Variants in UTP6 observed in about 807,000 individuals in gnomAD.
The protein encoded by UTP6 is UTP6 small subunit processome component.
In UTP6, 60 loss-of-function variants were observed where a neutral mutation model predicts 96.5. That is an observed-to-expected ratio of 0.62 (90% confidence interval 0.51 to 0.77). The LOEUF is 0.77. Among genes scored for constraint, UTP6 ranks in the 30% least tolerant of loss-of-function variants. The pLI, the probability that UTP6 is intolerant of heterozygous loss-of-function variation, is 0.00. For synonymous variants in UTP6, 215 were observed against 240.1 expected (o/e 0.90, Z 0.96); for missense variants, 637 against 706.5 (o/e 0.90, Z 1.12).
intron 18 of UTP6, 118 bp from the exon 19 acceptor site, chr17:31,863,634 G>A: frequency 2.2e-6 from 2 of 926,274 alleles, no homozygotes; most frequent in Non-Finnish European, 3.2e-6. Context: ...TACTTCCCTA[G>A]GACGCTTTGT....
intron 6 of UTP6, among the ~76,000 whole-genome samples, chr17:31,891,573 T>TTCACAAGA (rs1911495627): frequency 6.6e-6 from 1 of 152,208 alleles, no homozygotes; most frequent in African/African-American, 2.4e-5. Flanking sequence ...GAGAAATATT[T>TTCACAAGA]CTCTTACAAA....
chr17:31,863,145 A>C lies in UTP6; in HGVS notation c.*214T>G. 1 of 530,108 alleles carries C rather than the reference A, an allele frequency of 1.9e-6. No individual in the cohort carries two copies. Among genetic ancestry groups the C allele is most frequent in the South Asian group, 2.4e-5 (1 of 42,434 alleles). The allele number at this position is 530,108 out of a possible 1,614,324, so 32.8% of individuals were successfully genotyped here. A position where few individuals can be genotyped will look rare whatever the true frequency, so the allele number is the denominator to read the frequency against. On this transcript the variant is annotated 3_prime_UTR_variant, in exon 19 of 19. Coordinates refer to ENST00000261708, the MANE Select transcript of UTP6 (RefSeq NM_018428.3). ...CACTTGAGTCCAGGAGTTCAAGACC[A>C]GCCAGGGCAACAGAGCAAGACCCAG...
chr17:31,897,790 T>C (rs1401560072), intron 2 of UTP6, among the ~76,000 whole-genome samples: 2 of 152,168 alleles, frequency 1.3e-5, no homozygotes, highest in Admixed American at 6.6e-5. Flanking sequence ...TTATTGGTTC[T>C]TTCTGAATCC....
chr17:31,873,708 C>G lies in UTP6; in HGVS notation c.1351G>C (p.Ala451Pro). 6.2e-6 allele frequency: 10 copies of G among 1,612,772 alleles called. No homozygotes were observed. Among genetic ancestry groups the G allele is most frequent in the Non-Finnish European group, 6.8e-6 (8 of 1,179,798 alleles). Residue 451 changes from alanine (A) to proline (P), a missense_variant, in exon 15 of 19, where the codon GCC becomes CCC. Transcript: ENST00000261708. Reference protein sequence around the residue: ...WISWAEWSEGAKSQEDTEAVF... With the variant: ...WISWAEWSEGPKSQEDTEAVF... ...GCCTCAGTGTCTTCTTGGCTTTTGGCACCTTCACTCCACTCTGCCCAGGAA... is the reference window on the plus strand; with the variant it reads ...GCCTCAGTGTCTTCTTGGCTTTTGGGACCTTCACTCCACTCTGCCCAGGAA...
chr17:31,893,060 CAGG>C (rs1391990407), intron 4 of UTP6, among the ~76,000 whole-genome samples: 1 of 152,028 alleles, frequency 6.6e-6, no homozygotes, highest in Non-Finnish European at 1.5e-5. Context: ...CACTTGAGGT[CAGG>C]AGTTCAAAAC....
At position 31,865,408 on chromosome 17, in the gene UTP6, A is replaced by G. The variant is rs1909757320; in HGVS notation, c.1594T>C (p.Tyr532His). The stretch of plus-strand genomic sequence containing the variant: ...AACTCTCTCAAAGCTCTCTCATAAT[A>G]TTCTCTTATGTTCGCCATATTGCAG... ...ESCNMANIRE[Y>H]YERALREFGS... Residue 532 changes from tyrosine to histidine, a missense_variant, in exon 18 of 19, where the codon TAT becomes CAT. Tyr to His is a moderately conservative substitution (Grantham distance 83). Transcript: ENST00000261708. 2 of 1,613,944 alleles carry G rather than the reference A, an allele frequency of 1.2e-6. No individual in the cohort carries two copies. The highest frequency in any genetic ancestry group is 2.7e-5 in the African/African-American group (2 of 74,936).
Position 31,889,082 on chromosome 17 carries a change from T to C in UTP6, c.543+203A>G, listed in dbSNP as rs541676916. Among the ~76,000 whole-genome samples the C allele has an allele frequency of 1.6e-4, 23 of 142,924 alleles. No homozygotes were observed. The South Asian group carries it at 3.9e-3, about 24-fold the overall frequency. The allele number at this position is 142,924 out of a possible 152,430, so 93.8% of individuals were successfully genotyped here. ...GCAAGACTGTCTCAAAAAAAAAAAG[T>C]GAAACCAGCCTGGCCAACATGGCAA... On this transcript the variant is annotated intron_variant, in intron 7 of 18. Transcript: ENST00000261708.
intron 7 of UTP6, 77 bp from the exon 8 acceptor site, chr17:31,887,390 C>T: frequency 8.0e-7 from 1 of 1,245,548 alleles, no homozygotes; most frequent in Non-Finnish European, 1.2e-6. Flanking sequence ...TGCTCTGTCA[C>T]CCAAGCTGGA....
rs765801806 is a variant in UTP6 at position 31,868,117 on chromosome 17, AAAGG to A, written c.1497-9_1497-6del. On this transcript the variant is annotated splice_region_variant and splice_polypyrimidine_tract_variant and intron_variant, in intron 16 of 18. Coordinates refer to ENST00000261708, the MANE Select transcript of UTP6 (RefSeq NM_018428.3). ...AATGGTCGGCTCTCCTGTAAACTAA[AAAGG>A]AAGGAGAAAACGTTATCTTCAACAA... The A allele has an allele frequency of 7.7e-5, 124 of 1,611,602 alleles. No individual in the cohort carries two copies. The East Asian group carries it at 2.5e-3, about 32-fold the overall frequency.
intron 10 of UTP6, among the ~76,000 whole-genome samples, chr17:31,880,974 G>A (rs901853451): frequency 3.9e-5 from 6 of 152,004 alleles, no homozygotes; most frequent in South Asian, 2.1e-4. Flanking sequence ...TCGGGAGTTC[G>A]AGACCAGCCT....
intron 11 of UTP6, among the ~76,000 whole-genome samples, chr17:31,879,203 A>C (rs1910679284): frequency 6.6e-6 from 1 of 152,128 alleles, no homozygotes; most frequent in Admixed American, 6.6e-5. Context: ...CAGCCTGGCC[A>C]ACGTGGTGAA....
chr17:31,863,854 C>T (rs1273878291), intron 18 of UTP6, among the ~76,000 whole-genome samples: 1 of 152,010 alleles, frequency 6.6e-6, no homozygotes, highest in Non-Finnish European at 1.5e-5. Flanking sequence ...AGGCACACCA[C>T]CATATTAGGC....
intron 6 of UTP6, among the ~76,000 whole-genome samples, chr17:31,891,121 T>C (rs1186708379): frequency 6.6e-6 from 1 of 152,344 alleles, no homozygotes; most frequent in South Asian, 2.1e-4. Context: ...ACCTATCTTA[T>C]CAAGATTGCT....
intron 10 of UTP6, among the ~76,000 whole-genome samples, chr17:31,882,327 G>A (rs866920406): frequency 7.4e-6 from 1 of 135,722 alleles, no homozygotes; most frequent in Non-Finnish European, 1.6e-5. Context: ...CACTGCATCT[G>A]TTTTTTTTTT....
intron 6 of UTP6, 64 bp from the exon 7 acceptor site, chr17:31,889,467 C>A (rs1911343564): frequency 1.6e-6 from 2 of 1,239,998 alleles, no homozygotes; most frequent in Non-Finnish European, 2.3e-6. Flanking sequence ...AGAAAAGAAC[C>A]AAATGATCCA....
chr17:31,880,422 CAAT>C, intron 11 of UTP6, 148 bp downstream of exon 11: 1 of 885,684 alleles, frequency 1.1e-6, no homozygotes, highest in Non-Finnish European at 1.6e-6. Context: ...CTCTGCCTCC[CAAT>C]AAAAAAAAAA....
chr17:31,894,706 A>G lies in UTP6; in HGVS notation c.251T>C (p.Ile84Thr). 5.0e-6 allele frequency: 8 copies of G among 1,611,510 alleles called. No individual in the cohort carries two copies. The highest frequency in any genetic ancestry group is 1.1e-5 in the South Asian group (1 of 90,486). The change falls in exon 4 of 19, where the codon ATT becomes ACT. Residue 84 changes from isoleucine (I) to threonine (T), a missense_variant. Transcript: ENST00000261708. ...RIGYSFKKDE[I>T]ENSIVHRVQG... Reference sequence around the variant, plus strand: ...TACCCGGTGTACAATAGAATTCTCAATCTCATCCTTCTTAAATGAATATCC... The same window carrying G: ...TACCCGGTGTACAATAGAATTCTCAGTCTCATCCTTCTTAAATGAATATCC...
intron 11 of UTP6, among the ~76,000 whole-genome samples, chr17:31,879,595 C>T (rs1480643847): frequency 6.6e-6 from 1 of 151,792 alleles, no homozygotes; most frequent in Non-Finnish European, 1.5e-5. Context: ...TTGCTTCAAC[C>T]CAGGAGGCAG....
At chr17:31,866,158 G>A (rs1229438599) in intron 17 of UTP6, among the ~76,000 whole-genome samples, 2 of 150,454 alleles carry the variant, frequency 1.3e-5, no homozygotes, top group Non-Finnish European at 3.0e-5. Flanking sequence ...GTGGTGGCGG[G>A]TGCCTGTAGT....
Sources: gnomAD v4.1 joint callset for allele counts (sites outside exome capture counted in the v4.1 genomes callset) on GRCh38, gnomAD v4.1.1 for gene constraint, MANE v1.5 for transcripts, NCBI Gene and HGNC (gene_info 2026-07-23, HGNC 2026-07-21) for gene names.